CERT1: variants seen among roughly 807,000 people sequenced by gnomAD.
CERT1 encodes ceramide transporter 1.
In CERT1, 31 loss-of-function variants were observed where a neutral mutation model predicts 87.9. The observed-to-expected ratio is 0.35, with a 90% confidence interval of 0.27 to 0.48. The LOEUF (loss-of-function observed/expected upper bound fraction) is 0.48. Ranked by LOEUF, CERT1 falls within the 20% of genes least tolerant of loss-of-function variation. The pLI is 0.99. For synonymous variants in CERT1, 289 were observed against 250.9 expected, an observed-to-expected ratio of 1.15 and a Z score of -1.44; for missense variants, 487 against 758.0, an observed-to-expected ratio of 0.64 and a Z score of 4.20.
At chr5:75,457,578 A>G (rs191181014) in intron 3 of CERT1, among the ~76,000 whole-genome samples, 10 of 152,254 alleles carry the variant, frequency 6.6e-5, no homozygotes, top group Admixed American at 2.0e-4. Flanking sequence ...ACTTAACACT[A>G]AAGTTTAAAT....
intron 2 of CERT1, among the ~76,000 whole-genome samples, chr5:75,489,647 C>G (rs575400332): frequency 2.4e-4 from 36 of 152,330 alleles, no homozygotes; most frequent in African/African-American, 8.7e-4. Flanking sequence ...CTCATTATCA[C>G]TGGTCATTAG....
At chr5:75,509,179 A>G (rs1176896539) in intron 1 of CERT1, among the ~76,000 whole-genome samples, 1 of 152,210 alleles carries the variant, frequency 6.6e-6, no homozygotes, top group Non-Finnish European at 1.5e-5. Flanking sequence ...GGGGAGAAAC[A>G]AAATGAATTG....
intron 2 of CERT1, among the ~76,000 whole-genome samples, chr5:75,496,552 C>T (rs1343702582): frequency 6.6e-6 from 1 of 152,110 alleles, no homozygotes; most frequent in Non-Finnish European, 1.5e-5. Flanking sequence ...TATTGTATCT[C>T]AAAACTGGAA....
intron 3 of CERT1, among the ~76,000 whole-genome samples, chr5:75,430,903 T>C (rs1215076399): frequency 6.6e-6 from 1 of 152,040 alleles, no homozygotes; most frequent in Non-Finnish European, 1.5e-5. Context: ...TAGTGGGGCA[T>C]TGTGGTGTGC....
Position 75,511,468 on chromosome 5 carries a change from C to T in CERT1, c.-261G>A. On this transcript the variant is annotated 5_prime_UTR_variant, in exon 1 of 17. Transcript: ENST00000643780. The stretch of plus-strand genomic sequence containing the variant: ...GCCGCCGCCGCCGTCGCCGTGACCC[C>T]TGCGTTGCGCCCGGCGCTGCCACCC... The T allele has an allele frequency of 6.6e-7, 1 of 1,514,246 alleles. No individual in the cohort carries two copies. The highest frequency in any genetic ancestry group is 8.8e-7 in the Non-Finnish European group (1 of 1,131,328). 93.8% of individuals were successfully genotyped at this position (1,514,246 alleles called of 1,614,324 possible).
intron 12 of CERT1, among the ~76,000 whole-genome samples, 164 bp downstream of exon 12, chr5:75,389,428 A>G (rs1168620920): frequency 1.3e-5 from 2 of 152,260 alleles, no homozygotes; most frequent in Non-Finnish European, 2.9e-5. Flanking sequence ...CCAGAAAAGC[A>G]AAAAGACATT....
chr5:75,507,810 C>T (rs774275225), intron 1 of CERT1, among the ~76,000 whole-genome samples: 4 of 152,048 alleles, frequency 2.6e-5, no homozygotes, highest in Admixed American at 6.6e-5. Context: ...AATGAAAATG[C>T]CTAGCATAGT....
chr5:75,417,632 A>T (rs1763192374), intron 6 of CERT1, among the ~76,000 whole-genome samples: 1 of 152,226 alleles, frequency 6.6e-6, no homozygotes, highest in African/African-American at 2.4e-5. Context: ...GAATAATTAT[A>T]AATGAAATAA....
intron 3 of CERT1, among the ~76,000 whole-genome samples, chr5:75,429,075 T>C (rs1763752801): frequency 6.6e-6 from 1 of 151,702 alleles, no homozygotes; most frequent in Admixed American, 6.6e-5. Flanking sequence ...AGATTAATGG[T>C]CTTTTTGTCA....
At chr5:75,414,527 T>C (rs1763063422) in intron 7 of CERT1, among the ~76,000 whole-genome samples, 1 of 152,150 alleles carries the variant, frequency 6.6e-6, no homozygotes, top group South Asian at 2.1e-4. Flanking sequence ...AAATGTATCT[T>C]CAATGAACAG....
chr5:75,368,845 A>T (rs192216564), intron 17 of CERT1: 2 of 152,322 alleles, frequency 1.3e-5, no homozygotes, highest in East Asian at 3.9e-4. Flanking sequence ...CTTTTGACAG[A>T]AGCACCTCCA....
intron 11 of CERT1, among the ~76,000 whole-genome samples, chr5:75,395,881 AAACAACAAC>A (rs530981055): frequency 5.2e-4 from 79 of 151,788 alleles, no homozygotes; most frequent in Middle Eastern, 3.4e-3. Flanking sequence ...ATGAAAAAAC[AAACAACAAC>A]AACAACAACA....
chr5:75,474,313 T>G (rs1229401827), intron 2 of CERT1, among the ~76,000 whole-genome samples: 1 of 152,180 alleles, frequency 6.6e-6, no homozygotes, highest in East Asian at 1.9e-4. Flanking sequence ...GCTCGGATTT[T>G]GAGGCAGTAG....
chr5:75,477,314 G>T lies in CERT1; in HGVS notation c.232-18133C>A, dbSNP rs986767322. The stretch of plus-strand genomic sequence containing the variant: ...CTTTCTCTGATCCATAACATCAAGG[G>T]TACAGCTGGGCTGAAGACAGGGCAG... On this transcript the variant is annotated intron_variant, in intron 2 of 16. Coordinates refer to ENST00000643780, the MANE Select transcript of CERT1 (RefSeq NM_001379029.1). 2.6e-5 allele frequency among the ~76,000 whole-genome samples: 4 copies of T among 152,014 alleles called. No individual in the cohort carries two copies. In the East Asian group the frequency reaches 7.7e-4, roughly 29 times the overall value.
chr5:75,437,023 C>T (rs942267054), intron 3 of CERT1, among the ~76,000 whole-genome samples: 1 of 152,054 alleles, frequency 6.6e-6, no homozygotes. Context: ...TGGGGTCAAG[C>T]GATTCTCCTA....
At chr5:75,406,912 A>C (rs541377790) in intron 8 of CERT1, among the ~76,000 whole-genome samples, 83 of 152,316 alleles carry the variant, frequency 5.4e-4, no homozygotes, top group Admixed American at 2.3e-3. Context: ...CAGAAGTCAG[A>C]AACACTTAGA....
chr5:75,381,151 T>C lies in CERT1; in HGVS notation c.1668A>G (p.Gln556=). Residue 556 remains glutamine, a synonymous_variant, in exon 16 of 17, where the codon CAA becomes CAG. Coordinates refer to ENST00000643780, the MANE Select transcript of CERT1 (RefSeq NM_001379029.1). ...RAKINVAMIC[Q]TLVSPPEGNQ... is the part of the protein sequence containing the mutation. ...TTCCCTCTGGTGGGCTTACCAAGGT[T>C]TGACAAATCATAGCAACATTTATTT... 1 of 1,614,194 alleles carries C rather than the reference T, an allele frequency of 6.2e-7. No individual in the cohort carries two copies. The highest frequency in any genetic ancestry group is 2.2e-5 in the East Asian group (1 of 44,882).
chr5:75,506,317 T>G (rs1767649395), intron 1 of CERT1, among the ~76,000 whole-genome samples: 1 of 152,210 alleles, frequency 6.6e-6, no homozygotes, highest in Non-Finnish European at 1.5e-5. Context: ...TCAGTAATTT[T>G]TACAATATTA....
chr5:75,392,021 T>C (rs1005836382), intron 11 of CERT1, among the ~76,000 whole-genome samples: 6 of 152,230 alleles, frequency 3.9e-5, no homozygotes, highest in African/African-American at 1.4e-4. Context: ...TCAAAAAGAA[T>C]GCAGGTAGTT....
Sources: gnomAD v4.1 joint callset for allele counts (sites outside exome capture counted in the v4.1 genomes callset) on GRCh38, gnomAD v4.1.1 for gene constraint, MANE v1.5 for transcripts, NCBI Gene and HGNC (gene_info 2026-07-23, HGNC 2026-07-21) for gene names.